The following KIF23 variants were observed in gnomAD, a reference collection of about 807,000 sequenced individuals.
The protein encoded by KIF23 is kinesin family member 23.
In KIF23, 30 loss-of-function variants were observed where a neutral mutation model predicts 137.5. The ratio of observed to expected loss-of-function variants is 0.22; its 90% CI spans 0.16 to 0.30. The LOEUF (loss-of-function observed/expected upper bound fraction) is 0.30. Among genes scored for constraint, KIF23 ranks in the 10% least tolerant of loss-of-function variants. The pLI, the probability that KIF23 is intolerant of heterozygous loss-of-function variation, is 1.00. For synonymous variants in KIF23, 367 were observed against 391.1 expected, an observed-to-expected ratio of 0.94 and a Z score of 0.73; for missense variants, 920 against 1,194.3, an observed-to-expected ratio of 0.77 and a Z score of 3.38.
intron 2 of KIF23, 52 bp downstream of exon 2, chr15:69,416,115 A>G: frequency 8.3e-7 from 1 of 1,199,340 alleles, no homozygotes; most frequent in South Asian, 1.5e-5. Context: ...TTATCTCTTC[A>G]GTCCTTTCTG....
chr15:69,436,998 G>A (rs572886022), intron 15 of KIF23, among the ~76,000 whole-genome samples: 4 of 152,134 alleles, frequency 2.6e-5, no homozygotes, highest in South Asian at 2.1e-4. Context: ...CAAGTGATCC[G>A]CCTGCCTCGG....
At chr15:69,431,846 A>T (rs892852077) in intron 11 of KIF23, among the ~76,000 whole-genome samples, 4 of 152,236 alleles carry the variant, frequency 2.6e-5, no homozygotes, top group African/African-American at 9.6e-5. Context: ...ACTTGAGTTT[A>T]TTCATATGCT....
rs2056834301 is a variant in KIF23, at chr15:69,414,462, T to C, written c.-4T>C. 5.7e-6 allele frequency: 9 copies of C among 1,589,334 alleles called. No individual in the cohort carries two copies. Among genetic ancestry groups the C allele is most frequent in the Non-Finnish European group, 7.7e-6 (9 of 1,168,184 alleles). ...CGCGTTTGGGCGGCGTGGAGCCTGC[T>C]GCCATGAAGTCAGCGTGAGTACGAG... On this transcript the variant is annotated 5_prime_UTR_variant, in exon 1 of 24. Transcript: ENST00000679126.
chr15:69,426,409 T>G lies in KIF23; in HGVS notation c.963T>G (p.Ile321Met). Residue 321 changes from isoleucine to methionine, a missense_variant, in exon 10 of 24, where the codon ATT becomes ATG. Around this residue, in one of 4 missense-constraint regions of KIF23, gnomAD observed 714 missense variants for 866.2 expected, o/e 0.82. Transcript: ENST00000679126. ...GCCGTTCCCATAGCGTGTTCAACATTAAATTAGTTCAGGCTCCCTTGGATG... is the reference window on the plus strand; with the variant it reads ...GCCGTTCCCATAGCGTGTTCAACATGAAATTAGTTCAGGCTCCCTTGGATG... ...ESSRSHSVFN[I>M]KLVQAPLDAD... The G allele has an allele frequency of 6.2e-7, 1 of 1,614,140 alleles. No homozygotes were observed. Among genetic ancestry groups the G allele is most frequent in the African/African-American group, 1.3e-5 (1 of 75,048 alleles).
At chr15:69,419,959 A>C (rs1201050393) in intron 3 of KIF23, among the ~76,000 whole-genome samples, 1 of 152,146 alleles carries the variant, frequency 6.6e-6, no homozygotes, top group African/African-American at 2.4e-5. Flanking sequence ...AGAAGGCAAC[A>C]TTGTATAATG....
chr15:69,440,151 TGAATTATTGTATTTGC>T, intron 17 of KIF23, 74 bp downstream of exon 17: 1 of 1,529,824 alleles, frequency 6.5e-7, no homozygotes, highest in East Asian at 2.3e-5. Context: ...TTCGATATTT[TGAATTATTGTATTTGC>T]GGTAGGGTTT....
chr15:69,422,188 G>A, intron 5 of KIF23, 60 bp downstream of exon 5: 1 of 1,568,706 alleles, frequency 6.4e-7, no homozygotes, highest in African/African-American at 1.4e-5. Context: ...TATGGATACA[G>A]TAGTAGTAAA....
Position 69,446,080 on chromosome 15 carries a change from A to G in KIF23, c.2745A>G (p.Glu915=). 6.2e-7 allele frequency: 1 copy of G among 1,613,070 alleles called. No individual in the cohort carries two copies. The highest frequency in any genetic ancestry group is 8.5e-7 in the Non-Finnish European group (1 of 1,179,068). Residue 915 remains glutamate, a synonymous_variant, in exon 21 of 24, where the codon GAA becomes GAG. Transcript: ENST00000679126. ...CTGATATTGAGACTTTAAAGCAAGAATCACCAAATGGGTAAGTAACCATCA... is the reference window on the plus strand; with the variant it reads ...CTGATATTGAGACTTTAAAGCAAGAGTCACCAAATGGGTAAGTAACCATCA... The part of the protein sequence containing the change: ...QFTDIETLKQ[E]SPNGSRKRRS...
chr15:69,420,684 T>C (rs2057032005), intron 3 of KIF23, among the ~76,000 whole-genome samples: 1 of 152,222 alleles, frequency 6.6e-6, no homozygotes, highest in African/African-American at 2.4e-5. Context: ...TTATTTTATA[T>C]GTCTTTTTTC....
In KIF23 at chr15:69,446,885, G is replaced by A; in HGVS notation, c.2853G>A (p.Val951=). ...TTTCCTCTCAGTGTTCTGTGGCTGT[G>A]GAGATGAGAGCAGGATCCCAGCTGG... ...TDVETRCSVA[V]EMRAGSQLGP... The change falls in exon 23 of 24, where the codon GTG becomes GTA. Residue 951 remains valine, a synonymous_variant. Transcript: ENST00000679126. 6.2e-7 allele frequency: 1 copy of A among 1,614,132 alleles called. No homozygotes were observed. The highest frequency in any genetic ancestry group is 8.5e-7 in the Non-Finnish European group (1 of 1,179,970).
At chr15:69,445,099 A>G in intron 20 of KIF23, 58 bp downstream of exon 20, 1 of 1,478,012 alleles carries the variant, frequency 6.8e-7, no homozygotes, top group Non-Finnish European at 9.1e-7. Flanking sequence ...ACAAAAGTCC[A>G]TTTGTCCTGC....
intron 7 of KIF23, 21 bp downstream of exon 7, chr15:69,423,350 C>A: frequency 2.0e-6 from 3 of 1,491,894 alleles, no homozygotes; most frequent in Non-Finnish European, 2.7e-6. Flanking sequence ...AAGAGAGCCC[C>A]TTCTTAGCTG....
Position 69,439,991 on chromosome 15 carries a change from C to G in KIF23, c.1843C>G (p.Gln615Glu), listed in dbSNP as rs1367505521. 6.2e-7 allele frequency: 1 copy of G among 1,614,054 alleles called. No homozygotes were observed. Among genetic ancestry groups the G allele is most frequent in the Non-Finnish European group, 8.5e-7 (1 of 1,179,992 alleles). The change falls in exon 17 of 24, where the codon CAG becomes GAG. Residue 615 changes from glutamine to glutamate, a missense_variant. By Grantham distance (29) the Gln-to-Glu change is conservative (BLOSUM62 2). This residue lies in a region of KIF23 where 714 missense variants were observed against 866.2 expected (regional missense o/e 0.82). Transcript: ENST00000679126. ...ACTTGAAACTCAGAACCAGAAACTT[C>G]AGCGACAGTTTTCTGACAAACGCAG... ...QELETQNQKL[Q>E]RQFSDKRRLE... is the part of the protein sequence containing the mutation.
At position 69,447,831 on chromosome 15, in the gene KIF23, A is replaced by G; in HGVS notation, c.*24A>G. ...GAACTGACAGTCCCAGTACTGAAAG[A>G]ACATTTTCATTTGTGTGGATGATTT... On this transcript the variant is annotated 3_prime_UTR_variant, in exon 24 of 24. Coordinates refer to ENST00000679126, the MANE Select transcript of KIF23 (RefSeq NM_001367805.3). 1 of 1,600,684 alleles carries G rather than the reference A, an allele frequency of 6.2e-7. No homozygotes were observed. The highest frequency in any genetic ancestry group is 8.5e-7 in the Non-Finnish European group (1 of 1,170,040).
chr15:69,430,092 T>C (rs1269005506), intron 11 of KIF23, among the ~76,000 whole-genome samples: 1 of 152,152 alleles, frequency 6.6e-6, no homozygotes, highest in Non-Finnish European at 1.5e-5. Context: ...GTTATTTCAA[T>C]ACTTATTAGT....
chr15:69,426,445 C>A lies in KIF23; in HGVS notation c.999C>A (p.Asp333Glu), dbSNP rs1192866131. Residue 333 changes from aspartate to glutamate, a missense_variant, in exon 10 of 24, where the codon GAC (aspartate) becomes GAA (glutamate). This residue lies in a region of KIF23 where 714 missense variants were observed against 866.2 expected (regional missense o/e 0.82). Transcript: ENST00000679126. ...AGGCTCCCTTGGATGCAGATGGAGA[C>A]AATGTCTTACAGGTAAAGTTGTAGT... ...LVQAPLDADG[D>E]NVLQEKEQIT... 8.1e-6 allele frequency: 13 copies of A among 1,613,914 alleles called. No individual in the cohort carries two copies. The highest frequency in any genetic ancestry group is 1.3e-5 in the African/African-American group (1 of 74,910).
rs775754836 is a variant in KIF23, at chr15:69,441,074, G to A, written c.2416G>A (p.Gly806Ser). The A allele has an allele frequency of 3.7e-6, 6 of 1,608,838 alleles. No individual in the cohort carries two copies. The East Asian group carries it at 8.9e-5, about 24-fold the overall frequency. Residue 806 changes from glycine to serine, a missense_variant, in exon 19 of 24, where the codon GGC becomes AGC. This residue lies in a region of KIF23 where 714 missense variants were observed against 866.2 expected (regional missense o/e 0.82). Coordinates refer to ENST00000679126, the MANE Select transcript of KIF23 (RefSeq NM_001367805.3). The stretch of plus-strand genomic sequence containing the variant: ...GATAGAAATAGAAGAGGATCATTGC[G>A]GCAGGGTTAGTGCCAGTATTATTTT... Reference protein sequence around the residue: ...NEIEIEEDHCGRLLFQPDQNA... With the variant: ...NEIEIEEDHCSRLLFQPDQNA...
chr15:69,429,240 T>C, intron 11 of KIF23, 27 bp downstream of exon 11: 6 of 1,506,098 alleles, frequency 4.0e-6, no homozygotes, highest in Non-Finnish European at 5.5e-6. Context: ...ATTTATTTAT[T>C]GCTACAACTT....
intron 11 of KIF23, among the ~76,000 whole-genome samples, chr15:69,434,260 A>G (rs1343503480): frequency 6.6e-6 from 1 of 152,222 alleles, no homozygotes; most frequent in African/African-American, 2.4e-5. Context: ...GAAGCACCAG[A>G]AGTACTTTAC....
Sources: allele counts gnomAD v4.1 joint callset (sites outside exome capture counted in the v4.1 genomes callset), GRCh38; gene constraint gnomAD v4.1.1; regional missense constraint gnomAD v4.1.1; transcripts MANE v1.5; gene names NCBI Gene and HGNC (gene_info 2026-07-23, HGNC 2026-07-21).